CYP24A1: variants seen among roughly 807,000 people sequenced by gnomAD.
CYP24A1 encodes cytochrome P450 family 24 subfamily A member 1, also known as 1,25-dihydroxyvitamin D(3) 24-hydroxylase, mitochondrial.
Under a neutral mutation model 62.4 loss-of-function variants are expected in CYP24A1, and 68 were observed. The ratio of observed to expected loss-of-function variants is 1.09; its 90% CI spans 0.90 to 1.33. The LOEUF (loss-of-function observed/expected upper bound fraction) is 1.33, where lower values mean the gene tolerates loss of function less well. Ranked by LOEUF, CYP24A1 falls within the 40% of genes most tolerant of loss-of-function variation. The pLI, the probability that CYP24A1 is intolerant of heterozygous loss-of-function variation, is 0.00. For missense variants in CYP24A1, 787 were observed against 653.0 expected (o/e 1.21, Z -2.24); for synonymous variants, 267 against 253.0 (o/e 1.06, Z -0.52).
At chr20:54,146,933 C>T in the CYP24A1 span, among the ~76,000 whole-genome samples, 5 of 152,222 alleles carry the variant, frequency 3.3e-5, no homozygotes, top group Non-Finnish European at 7.3e-5. Flanking sequence ...ATTAGGTCAA[C>T]TTCCAACCCA....
chr20:54,165,282 T>C (rs1341166526), intron 5 of CYP24A1, among the ~76,000 whole-genome samples: 1 of 152,248 alleles, frequency 6.6e-6, no homozygotes, highest in Non-Finnish European at 1.5e-5. Flanking sequence ...GTGAATTGCC[T>C]ATGCGAGGAA....
At chr20:54,144,318 C>T in the CYP24A1 span, among the ~76,000 whole-genome samples, 1 of 151,802 alleles carries the variant, frequency 6.6e-6, no homozygotes, top group Admixed American at 6.6e-5. Context: ...TCAAGTGTCA[C>T]AGCTCACTGT....
At chr20:54,166,122 G>C (rs1364442900) in intron 4 of CYP24A1, among the ~76,000 whole-genome samples, 1 of 152,198 alleles carries the variant, frequency 6.6e-6, no homozygotes, top group Non-Finnish European at 1.5e-5. Context: ...AGGGGCCCTA[G>C]CAAAGGTGCT....
downstream of CYP24A1, among the ~76,000 whole-genome samples, chr20:54,151,709 C>T (rs898430357): frequency 3.9e-5 from 6 of 151,920 alleles, no homozygotes; most frequent in East Asian, 1.9e-4. Flanking sequence ...ACTACAGGCG[C>T]GTGCCACCAC....
chr20:54,152,781 G>A (rs897429142), downstream of CYP24A1, among the ~76,000 whole-genome samples: 2 of 152,138 alleles, frequency 1.3e-5, no homozygotes, highest in Non-Finnish European at 2.9e-5. Flanking sequence ...CTTTACGTAA[G>A]AGCAATGGGA....
rs1414448219 is a variant in CYP24A1, at chr20:54,154,305, A to G, written c.*467T>C. 6.6e-6 allele frequency: 1 copy of G among 152,224 alleles called. No homozygotes were observed. 9.4% of individuals were successfully genotyped at this position (152,224 alleles called of 1,614,324 possible). A position where few individuals can be genotyped will look rare whatever the true frequency, so the allele number is the denominator to read the frequency against. On this transcript the variant is annotated 3_prime_UTR_variant, in exon 12 of 12. Coordinates refer to ENST00000216862, the MANE Select transcript of CYP24A1 (RefSeq NM_000782.5). ...AGTTTCCCAATAATGTTTTTATTTC[A>G]ATGCAGGAAGAACGCAATTTCATGG...
chr20:54,159,530 G>T (rs536826515), intron 7 of CYP24A1, among the ~76,000 whole-genome samples: 1 of 152,028 alleles, frequency 6.6e-6, no homozygotes, highest in South Asian at 2.1e-4. Flanking sequence ...GAGTAGCTGG[G>T]ACTACAGGCA....
In CYP24A1 at chr20:54,157,170, T is replaced by A. The variant is rs1291266291; in HGVS notation, c.*9A>T. On this transcript the variant is annotated splice_region_variant and 3_prime_UTR_variant, in exon 11 of 12. Transcript: ENST00000216862. ...ATAATGAACCGCCTAGATGCTCACC[T>A]GAGGCGTATTATCGCTGGCAAAACG... 6.9e-7 allele frequency: 1 copy of A among 1,444,966 alleles called. No individual in the cohort carries two copies. The highest frequency in any genetic ancestry group is 1.1e-5 in the South Asian group (1 of 87,094). 89.5% of individuals were successfully genotyped at this position (1,444,966 alleles called of 1,614,324 possible). A position where few individuals can be genotyped will look rare whatever the true frequency, so the allele number is the denominator to read the frequency against.
In CYP24A1 at chr20:54,162,671, G is replaced by T. The variant is rs6091828; in HGVS notation, c.990+46C>A. ...TATTTAAAATCTGTCATCTAAAAATGGTACAGACCGTTCATTTAGCAAACT... is the reference window on the plus strand; with the variant it reads ...TATTTAAAATCTGTCATCTAAAAATTGTACAGACCGTTCATTTAGCAAACT... On this transcript the variant is annotated intron_variant, in intron 7 of 11. Coordinates refer to ENST00000216862, the MANE Select transcript of CYP24A1 (RefSeq NM_000782.5). 0.043 allele frequency: 51,997 copies of T among 1,222,902 alleles called. 1,960 individuals are homozygous for T. Among genetic ancestry groups the T allele is most frequent in the African/African-American group, 0.15 (9,578 of 65,058 alleles). The allele number at this position is 1,222,902 out of a possible 1,614,324, so 75.8% of individuals were successfully genotyped here.
In CYP24A1 at chr20:54,157,568, AT is replaced by A; in HGVS notation, c.1253del (p.Asn418IlefsTer50). ...ALPKGTVLML[N>X]TQVLGSSEDN... The stretch of plus-strand genomic sequence containing the variant: ...CTTCACTGGATCCCAACACCTGGGT[AT>A]TTAGCATGAGCACTGTCTAAACACA... On this transcript the variant is annotated frameshift_variant, in exon 10 of 12. Transcript: ENST00000216862. LOFTEE classifies it high-confidence loss of function. The A allele has an allele frequency of 6.3e-7, 1 of 1,586,986 alleles. No homozygotes were observed. The highest frequency in any genetic ancestry group is 8.7e-7 in the Non-Finnish European group (1 of 1,155,324).
At chr20:54,168,828 T>TTCCC (rs1263585818) in intron 4 of CYP24A1, among the ~76,000 whole-genome samples, 3 of 37,844 alleles carry the variant, frequency 7.9e-5, no homozygotes, top group Non-Finnish European at 9.6e-5. Flanking sequence ...CCTTCCTTCC[T>TTCCC]TCCCTCCCTC....
At position 54,173,546 on chromosome 20, in the gene CYP24A1, C is replaced by G. The variant is rs1034917329; in HGVS notation, c.34G>C (p.Ala12Pro). The change falls in exon 1 of 12, where the codon GCC becomes CCC. Residue 12 changes from alanine (A) to proline (P), a missense_variant. Physicochemically the swap from Ala to Pro is conservative, Grantham distance 27. Coordinates refer to ENST00000216862, the MANE Select transcript of CYP24A1 (RefSeq NM_000782.5). This position sits in a 1 kb window ranked among gnomAD's most constrained non-coding sequence, Gnocchi z 7.2. ...CTGCGCAGCTGCTGCAGGAAGGCGG[C>G]AAGCGAGCGGCTCTTGCTGATGGGG... ...SSPISKSRSLAAFLQQLRSPR... is the reference protein window; with the variant it reads ...SSPISKSRSLPAFLQQLRSPR... 3.2e-6 allele frequency: 5 copies of G among 1,581,634 alleles called. No homozygotes were observed. The African/African-American group carries it at 6.7e-5, about 21-fold the overall frequency.
intron 7 of CYP24A1, 137 bp downstream of exon 7, chr20:54,162,580 A>C: frequency 5.0e-6 from 3 of 605,872 alleles, no homozygotes; most frequent in African/African-American, 2.5e-5. Flanking sequence ...GGCATCTAGT[A>C]TGAGACTTTT....
intron 11 of CYP24A1, among the ~76,000 whole-genome samples, chr20:54,156,654 T>C (rs913959803): frequency 3.3e-5 from 5 of 152,222 alleles, no homozygotes; most frequent in African/African-American, 1.2e-4. Context: ...AACTGTAAGA[T>C]AATAGATGTG....
intron 7 of CYP24A1, among the ~76,000 whole-genome samples, chr20:54,159,848 G>A (rs934148913): frequency 4.6e-5 from 7 of 152,248 alleles, no homozygotes; most frequent in East Asian, 1.9e-4. Context: ...ACTGGGTAAC[G>A]GATGCAAGGG....
chr20:54,157,292 G>A lies in CYP24A1; in HGVS notation c.1435-3C>T. 1 of 1,580,678 alleles carries A rather than the reference G, an allele frequency of 6.3e-7. No homozygotes were observed. Among genetic ancestry groups the A allele is most frequent in the Non-Finnish European group, 8.7e-7 (1 of 1,149,650 alleles). ...TGGATGTCGTATTTGCGGACAATCT[G>A]TAATGCACACGCACACAAAAACAGA... On this transcript the variant is annotated splice_polypyrimidine_tract_variant and splice_region_variant and intron_variant, in intron 10 of 11. Transcript: ENST00000216862.
intron 2 of CYP24A1, 179 bp downstream of exon 2, chr20:54,172,730 C>T (rs1387565378): frequency 1.4e-6 from 2 of 1,401,678 alleles, no homozygotes; most frequent in Non-Finnish European, 1.9e-6. Context: ...TTCCGTGGAC[C>T]GACTCTAATC....
intron 5 of CYP24A1, 88 bp downstream of exon 5, chr20:54,165,654 C>A: frequency 1.2e-6 from 1 of 832,524 alleles, no homozygotes; most frequent in South Asian, 1.3e-5. Context: ...GTGTGTATGC[C>A]ATTTTTTGGG....
At position 54,157,506 on chromosome 20, in the gene CYP24A1, C is replaced by T. The variant is rs141152573; in HGVS notation, c.1316G>A (p.Arg439His). 2.4e-5 allele frequency: 38 copies of T among 1,594,184 alleles called. No homozygotes were observed. In the African/African-American group the frequency reaches 3.0e-4, roughly 12 times the overall value. Reference protein sequence around the residue: ...FEDSSQFRPERWLQEKEKINP... With the variant: ...FEDSSQFRPEHWLQEKEKINP... ...AATTTTTTCCTTCTCCTGAAGCCAA[C>T]GTTCAGGTCTAAACTGACTTGAATC... Residue 439 changes from arginine to histidine, a missense_variant, in exon 10 of 12, where the codon CGT becomes CAT. By Grantham distance (29) the Arg-to-His change is conservative (BLOSUM62 0). Coordinates refer to ENST00000216862, the MANE Select transcript of CYP24A1 (RefSeq NM_000782.5).
Sources: gnomAD v4.1 joint callset for allele counts (sites outside exome capture counted in the v4.1 genomes callset) on GRCh38, gnomAD v4.1.1 for gene constraint, Gnocchi (gnomAD v3.1) non-coding constraint, MANE v1.5 for transcripts, NCBI Gene and HGNC (gene_info 2026-07-23, HGNC 2026-07-21) for gene names.